The following NPEPL1 variants were observed in gnomAD, a reference collection of about 807,000 sequenced individuals.
NPEPL1 encodes aminopeptidase like 1.
NPEPL1 carries 45 observed loss-of-function variants against 52.4 expected under a neutral mutation model. The ratio of observed to expected loss-of-function variants is 0.86; its 90% CI spans 0.68 to 1.10. NPEPL1 has a LOEUF of 1.10. Among genes scored for constraint, NPEPL1 ranks in the 50% least tolerant of loss-of-function variants. The pLI, the probability that NPEPL1 is intolerant of heterozygous loss-of-function variation, is 0.00. For synonymous variants in NPEPL1, 360 were observed against 314.7 expected, an observed-to-expected ratio of 1.14 and a Z score of -1.52; for missense variants, 696 against 710.9, an observed-to-expected ratio of 0.98 and a Z score of 0.24.
chr20:58,700,287 C>G lies in NPEPL1; in HGVS notation c.680-729C>G, dbSNP rs376338304. ...GACCTGCTCACATGAGGGGGAGGGA[C>G]TGCACAAGGACATGAATACCCAGAC... On this transcript the variant is annotated intron_variant, in intron 5 of 11. Transcript: ENST00000356091. Among the ~76,000 whole-genome samples, 9 of 152,334 alleles carry G rather than the reference C, an allele frequency of 5.9e-5. No homozygotes were observed. The South Asian group carries it at 1.5e-3, about 25-fold the overall frequency.
At chr20:58,706,838 C>T (rs1384541001) in intron 6 of NPEPL1, among the ~76,000 whole-genome samples, 1 of 152,216 alleles carries the variant, frequency 6.6e-6, no homozygotes, top group South Asian at 2.1e-4. Flanking sequence ...TCGGGTTCCC[C>T]CTCCGTGCAG....
In NPEPL1 at chr20:58,714,709, G is replaced by A. The variant is rs752640208; in HGVS notation, c.1413+39G>A. 68 of 1,482,518 alleles carry A rather than the reference G, an allele frequency of 4.6e-5. No individual in the cohort carries two copies. The Admixed American group carries it at 6.5e-4, about 14-fold the overall frequency. 91.8% of individuals were successfully genotyped at this position (1,482,518 alleles called of 1,614,324 possible). On this transcript the variant is annotated intron_variant, in intron 11 of 11. Coordinates refer to ENST00000356091, the MANE Select transcript of NPEPL1 (RefSeq NM_024663.4). Reference sequence around the variant, plus strand: ...CTCCCCACTGGCCCTGGCTGCTCCCGCCCGCTTGTCCAAACAGCGCCCCTC... The same window carrying A: ...CTCCCCACTGGCCCTGGCTGCTCCCACCCGCTTGTCCAAACAGCGCCCCTC...
chr20:58,705,020 C>CA (rs1254764724), intron 6 of NPEPL1, among the ~76,000 whole-genome samples: 1 of 152,108 alleles, frequency 6.6e-6, no homozygotes, highest in Admixed American at 6.6e-5. Context: ...TATATAGTAT[C>CA]AAAAAATCAC....
At chr20:58,702,411 G>T (rs551106476) in intron 6 of NPEPL1, among the ~76,000 whole-genome samples, 1 of 152,178 alleles carries the variant, frequency 6.6e-6, no homozygotes. Flanking sequence ...GCAGCTCGCC[G>T]CGCTCTCTAG....
upstream of NPEPL1, chr20:58,691,718 T>A: frequency 1.3e-6 from 1 of 794,408 alleles, no homozygotes; most frequent in Non-Finnish European, 2.0e-6. Context: ...TTTTTTTCAT[T>A]TTTAGGCTGG....
intron 6 of NPEPL1, among the ~76,000 whole-genome samples, chr20:58,705,179 A>T (rs541169797): frequency 6.6e-6 from 1 of 152,320 alleles, no homozygotes; most frequent in African/African-American, 2.4e-5. Context: ...TGGAAGTAAG[A>T]GGCTCAGTTT....
intron 6 of NPEPL1, chr20:58,705,540 A>C (rs1402446600): frequency 2.2e-6 from 1 of 456,284 alleles, no homozygotes; most frequent in Admixed American, 2.3e-5. Context: ...CCTCTTTGGG[A>C]CTGTGGCCTG....
upstream of NPEPL1, among the ~76,000 whole-genome samples, chr20:58,689,670 A>T (rs2084314676): frequency 6.6e-6 from 1 of 152,122 alleles, no homozygotes; most frequent in Admixed American, 6.5e-5. Flanking sequence ...ACTTTAACCG[A>T]TCCCTCCAGG....
chr20:58,707,721 G>T (rs962645325), intron 7 of NPEPL1, among the ~76,000 whole-genome samples: 1 of 151,068 alleles, frequency 6.6e-6, no homozygotes, highest in Non-Finnish European at 1.5e-5. Flanking sequence ...GGCGTGGGGG[G>T]GGTGGGGGGT....
chr20:58,715,000 C>T (rs2084924940), intron 11 of NPEPL1, 168 bp from the exon 12 acceptor site: 4 of 783,578 alleles, frequency 5.1e-6, no homozygotes, highest in South Asian at 3.7e-5. Context: ...TGAACGTGTC[C>T]AGCCAGCAGC....
chr20:58,713,599 T>C lies in NPEPL1; in HGVS notation c.1125+56T>C. ...GTAGTCCCAGGGAACCCCACCCCACTCTTGACCTCAAGGTGGGGAAGGCAG... is the reference window on the plus strand; with the variant it reads ...GTAGTCCCAGGGAACCCCACCCCACCCTTGACCTCAAGGTGGGGAAGGCAG... On this transcript the variant is annotated intron_variant, in intron 9 of 11. Transcript: ENST00000356091. This position sits in a 1 kb window ranked among gnomAD's most constrained non-coding sequence, Gnocchi z 4.6. The C allele has an allele frequency of 6.6e-7, 1 of 1,508,582 alleles. No individual in the cohort carries two copies. Among genetic ancestry groups the C allele is most frequent in the Non-Finnish European group, 8.9e-7 (1 of 1,123,520 alleles). 93.4% of individuals were successfully genotyped at this position (1,508,582 alleles called of 1,614,324 possible).
intron 3 of NPEPL1, among the ~76,000 whole-genome samples, chr20:58,694,869 AC>A (rs1166563253): frequency 6.6e-6 from 1 of 151,792 alleles, no homozygotes; most frequent in Non-Finnish European, 1.5e-5. Flanking sequence ...TTTCCAAATA[AC>A]CCTGCCCGTT....
intron 2 of NPEPL1, 85 bp from the exon 3 acceptor site, chr20:58,694,337 G>C: frequency 7.2e-7 from 1 of 1,382,028 alleles, no homozygotes; most frequent in Non-Finnish European, 9.8e-7. Flanking sequence ...GGGAGCTGAT[G>C]TTCCGGAGGC....
Position 58,693,814 on chromosome 20 carries a change from G to GGCTGC in NPEPL1, c.229_233dup (p.Arg82ProfsTer4). The GGCTGC allele has an allele frequency of 6.2e-7, 1 of 1,613,814 alleles. No homozygotes were observed. Among genetic ancestry groups the GGCTGC allele is most frequent in the Non-Finnish European group, 8.5e-7 (1 of 1,179,834 alleles). On this transcript the variant is annotated frameshift_variant, in exon 2 of 12. Coordinates refer to ENST00000356091, the MANE Select transcript of NPEPL1 (RefSeq NM_024663.4). LOFTEE classifies it high-confidence loss of function. ...CCCTCTACCTGAACTACGCCACCGT[G>GGCTGC]GCTGCCCTGCCCTGCAGGGTGAGCC...
At chr20:58,698,796 G>A in intron 4 of NPEPL1, 23 bp downstream of exon 4, 4 of 1,604,620 alleles carry the variant, frequency 2.5e-6, no homozygotes, top group Admixed American at 1.7e-5. Context: ...ATCAGGCCGG[G>A]GGTGGGACCA....
intron 7 of NPEPL1, chr20:58,711,193 C>T (rs2084834601): frequency 6.7e-6 from 1 of 150,324 alleles, no homozygotes; most frequent in South Asian, 2.1e-4. Flanking sequence ...CTTCAGGGCT[C>T]CCCTCCTTTG....
upstream of NPEPL1, among the ~76,000 whole-genome samples, chr20:58,689,521 A>C (rs896351129): frequency 2.0e-5 from 3 of 152,146 alleles, no homozygotes. Flanking sequence ...TCAGCCTCCC[A>C]AAGTGTTGGG....
At chr20:58,694,341 C>T (rs769523549) in intron 2 of NPEPL1, 81 bp from the exon 3 acceptor site, 156 of 1,407,130 alleles carry the variant, frequency 1.1e-4, no homozygotes, top group Non-Finnish European at 1.5e-4. Context: ...GCTGATGTTC[C>T]GGAGGCGTTC....
chr20:58,714,499 C>T, intron 10 of NPEPL1, 61 bp from the exon 11 acceptor site: 1 of 1,229,356 alleles, frequency 8.1e-7, no homozygotes, highest in East Asian at 2.6e-5. Flanking sequence ...GGCGATGGGG[C>T]AGGGTGGAGA....
Sources: gnomAD v4.1 joint callset for allele counts (sites outside exome capture counted in the v4.1 genomes callset) on GRCh38, gnomAD v4.1.1 for gene constraint, Gnocchi (gnomAD v3.1) non-coding constraint, MANE v1.5 for transcripts, NCBI Gene and HGNC (gene_info 2026-07-23, HGNC 2026-07-21) for gene names.